Variants in TMEM217 observed in about 807,000 individuals in gnomAD.
TMEM217 encodes the protein chromosome 6 open reading frame 128.
For synonymous variants in TMEM217, 76 were observed against 88.3 expected (o/e 0.86, Z 0.78); for missense variants, 204 against 248.8 (o/e 0.82, Z 1.21).
exon 2 of TMEM217, chr6:37,218,220 A>G (rs2113809950): frequency 7.5e-7 from 1 of 1,342,226 alleles, no homozygotes; most frequent in Non-Finnish European, 9.5e-7. Context: ...CTCAGGCTGA[A>G]GTGCACTGGC....
intron 1 of TMEM217, among the ~76,000 whole-genome samples, chr6:37,237,823 CT>C (rs1298235073): frequency 4.6e-5 from 7 of 152,064 alleles, no homozygotes; most frequent in African/African-American, 1.7e-4. Flanking sequence ...TACACACACA[CT>C]ACACACACAT....
At chr6:37,218,511 T>G (rs761664027) in exon 2 of TMEM217, 1 of 1,614,122 alleles carries the variant, frequency 6.2e-7, no homozygotes, top group Non-Finnish European at 8.5e-7. Context: ...CTGTGGAGAA[T>G]CTCCGCTGTA....
exon 2 of TMEM217, chr6:37,218,559 T>C (rs745565886): frequency 2.5e-6 from 4 of 1,614,174 alleles, no homozygotes; most frequent in Non-Finnish European, 3.4e-6. Context: ...TTGCCCTGGC[T>C]CCGGTTTTTG....
chr6:37,241,590 T>C lies in TMEM217; in HGVS notation c.-12+15978A>G, dbSNP rs1368062811. Among the ~76,000 whole-genome samples the C allele has an allele frequency of 2.0e-5, 3 of 152,200 alleles. No homozygotes were observed. The East Asian group carries it at 5.8e-4, about 29-fold the overall frequency. Reference sequence around the variant, plus strand: ...CAGCTGTCAGCACCCCCAGTGATGCTACAGGTTTTCTGTTCCAGGTTCTAC... The same window carrying C: ...CAGCTGTCAGCACCCCCAGTGATGCCACAGGTTTTCTGTTCCAGGTTCTAC... On this transcript the variant is annotated intron_variant, in intron 1 of 1. Coordinates refer to ENST00000357219, the Ensembl canonical transcript of TMEM217.
chr6:37,243,706 C>G (rs1764910773), intron 1 of TMEM217, among the ~76,000 whole-genome samples: 1 of 152,174 alleles, frequency 6.6e-6, no homozygotes, highest in Non-Finnish European at 1.5e-5. Flanking sequence ...TCAAGCGATT[C>G]TCCTGCCTCA....
At chr6:37,241,149 A>G (rs1764746938) in intron 1 of TMEM217, among the ~76,000 whole-genome samples, 1 of 139,874 alleles carries the variant, frequency 7.1e-6, no homozygotes, top group Non-Finnish European at 1.5e-5. Context: ...CCCAGGCTGG[A>G]GTGTAGTGGC....
At chr6:37,226,244 T>C (rs573279748) in intron 1 of TMEM217, among the ~76,000 whole-genome samples, 1 of 149,102 alleles carries the variant, frequency 6.7e-6, no homozygotes, top group Admixed American at 6.7e-5. Context: ...TCTCTTTTTT[T>C]GTTTTGTTTT....
At chr6:37,248,674 A>C (rs1765229304) in intron 1 of TMEM217, among the ~76,000 whole-genome samples, 1 of 152,218 alleles carries the variant, frequency 6.6e-6, no homozygotes, top group Non-Finnish European at 1.5e-5. Context: ...AGTCTCTTTA[A>C]GAATATCTCT....
chr6:37,247,134 T>C (rs370738104), intron 1 of TMEM217, among the ~76,000 whole-genome samples: 132 of 152,176 alleles, frequency 8.7e-4, no homozygotes, highest in African/African-American at 2.1e-3. Flanking sequence ...ATAAGACTTA[T>C]ATGGCCTTAG....
chr6:37,247,622 G>A (rs927737998), intron 1 of TMEM217, among the ~76,000 whole-genome samples: 5 of 151,990 alleles, frequency 3.3e-5, no homozygotes, highest in African/African-American at 7.2e-5. Flanking sequence ...TCCTGACCTC[G>A]TGATTCACCC....
exon 2 of TMEM217, chr6:37,218,883 T>G: frequency 6.2e-7 from 1 of 1,614,218 alleles, no homozygotes. Context: ...CTTGCACCCC[T>G]GTACTTTGGT....
At chr6:37,217,096 C>T (rs438802), downstream of TMEM217, among the ~76,000 whole-genome samples, 121,233 of 151,938 alleles carry the variant, frequency 0.8, 48,736 homozygotes, top group East Asian at 0.9. Flanking sequence ...GAATTCAATA[C>T]CAGCCTGACC....
intron 1 of TMEM217, among the ~76,000 whole-genome samples, chr6:37,236,141 T>C (rs1359030272): frequency 1.3e-5 from 2 of 152,212 alleles, no homozygotes; most frequent in African/African-American, 4.8e-5. Flanking sequence ...GTTTATTTTA[T>C]TTTTAATTTA....
At chr6:37,257,977 A>G in exon 1 of TMEM217, 4 of 1,614,052 alleles carry the variant, frequency 2.5e-6, no homozygotes, top group Non-Finnish European at 2.5e-6. Flanking sequence ...CGGGGAGGTG[A>G]GCCCAGGACG....
intron 1 of TMEM217, among the ~76,000 whole-genome samples, chr6:37,248,456 C>T (rs932797335): frequency 5.9e-5 from 9 of 152,194 alleles, no homozygotes; most frequent in African/African-American, 2.2e-4. Context: ...CCTCCCTTCA[C>T]TCACCCAATA....
At chr6:37,221,655 A>ACCT (rs1763531447) in intron 1 of TMEM217, among the ~76,000 whole-genome samples, 1 of 152,252 alleles carries the variant, frequency 6.6e-6, no homozygotes, top group South Asian at 2.1e-4. Flanking sequence ...ATAGAAAATG[A>ACCT]CCTAGTGTTA....
At chr6:37,246,332 A>G (rs1488168983) in intron 1 of TMEM217, among the ~76,000 whole-genome samples, 1 of 152,158 alleles carries the variant, frequency 6.6e-6, no homozygotes, top group East Asian at 1.9e-4. Flanking sequence ...GTCTGCTCCC[A>G]CATGTCTGTT....
rs1466106270 is a variant in TMEM217 at position 37,217,716 on chromosome 6, AC to A, written c.*705del. On this transcript the variant is annotated 3_prime_UTR_variant, in exon 2 of 2. Coordinates refer to ENST00000357219, the Ensembl canonical transcript of TMEM217. ...ACACAGTGGGGAAATCATAGCACAA[AC>A]CCACCCCAGGGCCAACAGTATCCTT... The A allele has an allele frequency of 3.0e-6, 3 of 985,246 alleles. No individual in the cohort carries two copies. The African/African-American group carries it at 5.2e-5, about 17-fold the overall frequency. The allele number at this position is 985,246 out of a possible 1,614,324, so 61.0% of individuals were successfully genotyped here. A position where few individuals can be genotyped will look rare whatever the true frequency, so the allele number is the denominator to read the frequency against.
Position 37,225,942 on chromosome 6 carries a change from G to A in TMEM217, c.-11-6901C>T, listed in dbSNP as rs112206845. ...TGATCTATGACCTACCCTATCAGCC[G>A]TGGGTCATTGCTACTTGAGAGAGAA... On this transcript the variant is annotated intron_variant, in intron 1 of 1. Transcript: ENST00000357219. Among the ~76,000 whole-genome samples, 174 of 152,286 alleles carry A rather than the reference G, an allele frequency of 1.1e-3. 1 individual carries two copies. The highest frequency in any genetic ancestry group is 3.7e-3 in the African/African-American group (155 of 41,554).
Sources: allele counts gnomAD v4.1 joint callset (sites outside exome capture counted in the v4.1 genomes callset), GRCh38; gene constraint gnomAD v4.1.1; transcripts MANE v1.5; gene names NCBI Gene and HGNC (gene_info 2026-07-23, HGNC 2026-07-21).